GDE1: variants seen among roughly 807,000 people sequenced by gnomAD.
GDE1 encodes RGS16-interacting membrane protein.
Under a neutral mutation model 32.2 loss-of-function variants are expected in GDE1, and 24 were observed. The observed-to-expected ratio is 0.75, with a 90% CI of 0.54 to 1.05. The LOEUF is 1.05. Among genes scored for constraint, GDE1 ranks in the 50% least tolerant of loss-of-function variants. The pLI, the probability that GDE1 is intolerant of heterozygous loss-of-function variation, is 0.00. For synonymous variants in GDE1, 159 were observed against 158.6 expected (o/e 1.00, Z -0.02); for missense variants, 380 against 415.0 (o/e 0.92, Z 0.73).
chr16:19,503,572 A>G lies in GDE1; in HGVS notation c.894T>C (p.Gly298=), dbSNP rs1202871823. Residue 298 remains glycine, a synonymous_variant, in exon 6 of 6, where the codon GGT becomes GGC. Transcript: ENST00000353258. ...TTTCATCAAAGGTATTAACAGTCCA[A>G]CCAACAACCTGGATTCCTTTAGCTG... is the stretch of plus-strand genomic sequence containing the variant. ...KWSAKGIQVV[G]WTVNTFDEKS... 1.2e-6 allele frequency: 2 copies of G among 1,613,774 alleles called. No homozygotes were observed. Among genetic ancestry groups the G allele is most frequent in the South Asian group, 1.1e-5 (1 of 91,076 alleles).
At chr16:19,513,901 G>A (rs1206679074) in intron 2 of GDE1, among the ~76,000 whole-genome samples, 1 of 152,188 alleles carries the variant, frequency 6.6e-6, no homozygotes, top group Non-Finnish European at 1.5e-5. Flanking sequence ...GAAAGGTTAA[G>A]ACAACTGGAC....
chr16:19,513,261 T>G (rs1010459700), intron 2 of GDE1, among the ~76,000 whole-genome samples: 3 of 152,314 alleles, frequency 2.0e-5, no homozygotes, highest in Admixed American at 2.0e-4. Flanking sequence ...TTTCCATTTG[T>G]GTCCTCTTAA....
In GDE1 at chr16:19,501,884, G is replaced by GC. The variant is rs1555487607; in HGVS notation, c.*1585dup. On this transcript the variant is annotated 3_prime_UTR_variant, in exon 6 of 6. Transcript: ENST00000353258. The stretch of plus-strand genomic sequence containing the variant: ...CTTCTAAAATCACTGTCCAGCTGCT[G>GC]CAAGTGTGAGGCCAGCAACCCACGG... 2.0e-5 allele frequency: 3 copies of GC among 152,200 alleles called. No homozygotes were observed. Among genetic ancestry groups the GC allele is most frequent in the Non-Finnish European group, 4.4e-5 (3 of 68,062 alleles). 9.4% of individuals were successfully genotyped at this position (152,200 alleles called of 1,614,324 possible). A position where few individuals can be genotyped will look rare whatever the true frequency, so the allele number is the denominator to read the frequency against.
chr16:19,503,807 C>T, intron 5 of GDE1, 190 bp from the exon 6 acceptor site: 1 of 505,804 alleles, frequency 2.0e-6, no homozygotes, highest in Non-Finnish European at 3.5e-6. Flanking sequence ...TACACTGTCC[C>T]AGCTTAAAAC....
At chr16:19,519,473 T>TATATGC (rs1491583827) in intron 1 of GDE1, among the ~76,000 whole-genome samples, 2 of 146,070 alleles carry the variant, frequency 1.4e-5, no homozygotes, top group African/African-American at 5.1e-5. Context: ...TATATATATA[T>TATATGC]ACATACACAA....
chr16:19,503,613 AGGCCCT>A lies in GDE1; in HGVS notation c.849-2_852del. 3 of 1,613,454 alleles carry A rather than the reference AGGCCCT, an allele frequency of 1.9e-6. No individual in the cohort carries two copies. Among genetic ancestry groups the A allele is most frequent in the Non-Finnish European group, 2.5e-6 (3 of 1,179,462 alleles). Reference sequence around the variant, plus strand: ...CCTTTAGCTGACCACTTCTTCAAGTAGGCCCTGGGGAAAGAGGAAAGCCAATCCTGT... The same window carrying A: ...CCTTTAGCTGACCACTTCTTCAAGTAGGGGAAAGAGGAAAGCCAATCCTGT... On this transcript the variant is annotated splice_acceptor_variant and coding_sequence_variant, in exon 6 of 6. Coordinates refer to ENST00000353258, the MANE Select transcript of GDE1 (RefSeq NM_016641.4). LOFTEE classifies it high-confidence loss of function.
intron 2 of GDE1, among the ~76,000 whole-genome samples, chr16:19,514,560 G>A (rs554268161): frequency 1.3e-5 from 2 of 152,140 alleles, no homozygotes; most frequent in South Asian, 4.1e-4. Flanking sequence ...GGAATTCTTA[G>A]GAATACATAA....
intron 4 of GDE1, among the ~76,000 whole-genome samples, chr16:19,507,141 A>AAAATAAATAAATAAAT (rs79540258): frequency 7.0e-6 from 1 of 143,398 alleles, no homozygotes; most frequent in Non-Finnish European, 1.5e-5. Context: ...CCCGTCTTTT[A>AAAATAAATAAATAAAT]AAATAAATAA....
At chr16:19,516,984 G>C in intron 2 of GDE1, 30 bp downstream of exon 2, 2 of 1,588,576 alleles carry the variant, frequency 1.3e-6, no homozygotes. Context: ...AAAGCTAAAA[G>C]ATCTGTTTAA....
chr16:19,506,532 A>G (rs1597231762), intron 4 of GDE1, among the ~76,000 whole-genome samples: 1 of 152,208 alleles, frequency 6.6e-6, no homozygotes, highest in African/African-American at 2.4e-5. Flanking sequence ...TGTGCTTGTA[A>G]TCCCAGCTAC....
At chr16:19,518,671 T>G (rs1420231801) in intron 1 of GDE1, among the ~76,000 whole-genome samples, 2 of 152,326 alleles carry the variant, frequency 1.3e-5, no homozygotes, top group Admixed American at 6.5e-5. Context: ...GGTTTTTATT[T>G]AAGTACCCAT....
intron 5 of GDE1, 152 bp from the exon 6 acceptor site, chr16:19,503,769 C>A: frequency 1.6e-6 from 1 of 624,850 alleles, no homozygotes; most frequent in Non-Finnish European, 2.8e-6. Flanking sequence ...GGGACTGTTC[C>A]AAAACCCAGG....
In GDE1 at chr16:19,521,830, G is replaced by C; in HGVS notation, c.135C>G (p.Phe45Leu). 6.2e-7 allele frequency: 1 copy of C among 1,610,854 alleles called. No individual in the cohort carries two copies. The highest frequency in any genetic ancestry group is 8.5e-7 in the Non-Finnish European group (1 of 1,179,080). Residue 45 changes from phenylalanine to leucine, a missense_variant, in exon 1 of 6, where the codon TTC (phenylalanine) becomes TTG (leucine). Transcript: ENST00000353258. ...TGCAAGAGGGCACCGGCTCAAAGCTGAAGACGCGCAGTAGAACGAAGAGGC... is the reference window on the plus strand; with the variant it reads ...TGCAAGAGGGCACCGGCTCAAAGCTCAAGACGCGCAGTAGAACGAAGAGGC... ...TGSLFVLLRVFSFEPVPSCRA... is the reference protein window; with the variant it reads ...TGSLFVLLRVLSFEPVPSCRA...
intron 1 of GDE1, among the ~76,000 whole-genome samples, chr16:19,520,640 G>T (rs896558986): frequency 1.3e-5 from 2 of 151,332 alleles, no homozygotes; most frequent in African/African-American, 4.9e-5. Context: ...CACGAGAATC[G>T]CTTGAACACG....
rs1969266514 is a variant in GDE1, at chr16:19,507,733, T to C, written c.590A>G (p.Tyr197Cys). The C allele has an allele frequency of 1.9e-6, 3 of 1,578,772 alleles. No homozygotes were observed. The highest frequency in any genetic ancestry group is 1.3e-5 in the African/African-American group (1 of 74,258). ...KKMYMEFPQL[Y>C]NNSVVCSFLP... is the part of the protein sequence containing the mutation. Reference sequence around the variant, plus strand: ...GAAAGAACAGACCACACTATTATTATACAGTTGAGGAAATTCCATATACAT... The same window carrying C: ...GAAAGAACAGACCACACTATTATTACACAGTTGAGGAAATTCCATATACAT... Residue 197 changes from tyrosine to cysteine, a missense_variant, in exon 4 of 6, where the codon TAT (tyrosine) becomes TGT (cysteine). Transcript: ENST00000353258.
chr16:19,505,518 G>T (rs946781640), intron 4 of GDE1, among the ~76,000 whole-genome samples: 1 of 152,176 alleles, frequency 6.6e-6, no homozygotes, highest in Non-Finnish European at 1.5e-5. Context: ...AATGGCTGAA[G>T]AGTTGTAGGG....
At chr16:19,515,007 A>G (rs917480937) in intron 2 of GDE1, among the ~76,000 whole-genome samples, 4 of 148,458 alleles carry the variant, frequency 2.7e-5, no homozygotes, top group Admixed American at 7.0e-5. Context: ...TGGAGGTTGC[A>G]GTGAGCCAAG....
At chr16:19,507,485 C>A (rs1440248211) in intron 4 of GDE1, among the ~76,000 whole-genome samples, 1 of 152,072 alleles carries the variant, frequency 6.6e-6, no homozygotes, top group Non-Finnish European at 1.5e-5. Context: ...AAAGAAGGGG[C>A]AAAAGAGGAA....
Position 19,521,695 on chromosome 16 carries a change from G to T in GDE1, c.261+9C>A. 1.9e-6 allele frequency: 3 copies of T among 1,609,388 alleles called. No homozygotes were observed. Among genetic ancestry groups the T allele is most frequent in the South Asian group, 2.2e-5 (2 of 90,664 alleles). ...GGAGGACCGAGGGGCGCGAACGTGG[G>T]GGTCTCACCTGCCGAATGGCCGCCA... On this transcript the variant is annotated intron_variant, in intron 1 of 5. Transcript: ENST00000353258.
Sources: gnomAD v4.1 joint callset for allele counts (sites outside exome capture counted in the v4.1 genomes callset) on GRCh38, gnomAD v4.1.1 for gene constraint, MANE v1.5 for transcripts, NCBI Gene and HGNC (gene_info 2026-07-23, HGNC 2026-07-21) for gene names.